The following LYPD6 variants were observed in gnomAD, a reference collection of about 807,000 sequenced individuals.
The protein encoded by LYPD6 is LY6/PLAUR domain containing 6, also known as ly6/PLAUR domain-containing protein 6.
A neutral mutation model predicts 22.7 loss-of-function variants in LYPD6; 15 were observed. The observed-to-expected ratio is 0.66, with a 90% CI of 0.44 to 1.02. The LOEUF (loss-of-function observed/expected upper bound fraction) is 1.02, where lower values mean the gene tolerates loss of function less well. Ranked by LOEUF, LYPD6 falls within the 50% of genes least tolerant of loss-of-function variation. LYPD6 has a pLI of 0.00. For synonymous variants in LYPD6, 72 were observed against 77.5 expected, an observed-to-expected ratio of 0.93 and a Z score of 0.37; for missense variants, 189 against 208.4, an observed-to-expected ratio of 0.91 and a Z score of 0.57.
chr2:149,413,269 T>C lies in LYPD6; in HGVS notation c.-71-24369T>C, dbSNP rs74442167. Reference sequence around the variant, plus strand: ...GTTCCTTGCCCAGGAGAGACTAAGATGGGGGAAAGAGGAGGTTGAGTTTGT... The same window carrying C: ...GTTCCTTGCCCAGGAGAGACTAAGACGGGGGAAAGAGGAGGTTGAGTTTGT... On this transcript the variant is annotated intron_variant, in intron 1 of 4. Coordinates refer to ENST00000334166, the MANE Select transcript of LYPD6 (RefSeq NM_194317.5). Among the ~76,000 whole-genome samples, 357 of 152,210 alleles carry C rather than the reference T, an allele frequency of 2.3e-3. 3 individuals carry two copies. In the East Asian group the frequency reaches 0.058, roughly 25 times the overall value.
At chr2:149,468,529 C>A in intron 3 of LYPD6, 116 bp from the exon 4 acceptor site, 1 of 1,199,972 alleles carries the variant, frequency 8.3e-7, no homozygotes, top group Non-Finnish European at 1.2e-6. Context: ...AAGCAGTGCA[C>A]ATCTTATGTG....
intron 1 of LYPD6, among the ~76,000 whole-genome samples, chr2:149,352,216 T>G (rs1681371608): frequency 6.6e-6 from 1 of 152,102 alleles, no homozygotes; most frequent in African/African-American, 2.4e-5. Context: ...AGACAGTAAC[T>G]GCCATATCCG....
At chr2:149,415,479 A>G (rs1246990961) in intron 1 of LYPD6, among the ~76,000 whole-genome samples, 2 of 152,134 alleles carry the variant, frequency 1.3e-5, no homozygotes, top group Non-Finnish European at 2.9e-5. Flanking sequence ...ATTAGAAAGG[A>G]CTGAAGCAGA....
chr2:149,431,375 C>T (rs1403201749), intron 1 of LYPD6, among the ~76,000 whole-genome samples: 2 of 152,196 alleles, frequency 1.3e-5, no homozygotes, highest in African/African-American at 4.8e-5. Flanking sequence ...ACATGTCCAG[C>T]GTCACATTTG....
At chr2:149,463,301 AT>A (rs1558816955) in intron 3 of LYPD6, among the ~76,000 whole-genome samples, 1 of 152,198 alleles carries the variant, frequency 6.6e-6, no homozygotes, top group Admixed American at 6.5e-5. Flanking sequence ...ATCATTAGCC[AT>A]AAGGGAAATG....
rs1231243524 is a variant in LYPD6 at position 149,472,428 on chromosome 2, G to T, written c.*1578G>T. 1 of 152,586 alleles carries T rather than the reference G, an allele frequency of 6.6e-6. No homozygotes were observed. The highest frequency in any genetic ancestry group is 1.5e-5 in the Non-Finnish European group (1 of 68,032). 9.5% of individuals were successfully genotyped at this position (152,586 alleles called of 1,614,324 possible). Reference sequence around the variant, plus strand: ...TTTTGTGAAACTTGGTAGAACCATGGCTAATAAAGAGGACAGTGTTGTCAG... The same window carrying T: ...TTTTGTGAAACTTGGTAGAACCATGTCTAATAAAGAGGACAGTGTTGTCAG... On this transcript the variant is annotated 3_prime_UTR_variant, in exon 5 of 5. Coordinates refer to ENST00000334166, the MANE Select transcript of LYPD6 (RefSeq NM_194317.5).
intron 1 of LYPD6, among the ~76,000 whole-genome samples, chr2:149,404,875 A>C (rs1351353505): frequency 6.6e-6 from 1 of 152,172 alleles, no homozygotes; most frequent in Non-Finnish European, 1.5e-5. Context: ...TGGGTTTGTC[A>C]TAGATAGGTC....
At chr2:149,340,366 A>G (rs1202674957) in intron 1 of LYPD6, among the ~76,000 whole-genome samples, 1 of 152,190 alleles carries the variant, frequency 6.6e-6, no homozygotes, top group Non-Finnish European at 1.5e-5. Flanking sequence ...ACTTGCACTT[A>G]TAATAACAGC....
chr2:149,399,564 C>T (rs1312947891), intron 1 of LYPD6, among the ~76,000 whole-genome samples: 1 of 151,426 alleles, frequency 6.6e-6, no homozygotes, highest in Non-Finnish European at 1.5e-5. Context: ...TCAAAAAGGT[C>T]AAGAAACCTA....
chr2:149,360,479 A>G (rs1198682772), intron 1 of LYPD6, among the ~76,000 whole-genome samples: 1 of 152,220 alleles, frequency 6.6e-6, no homozygotes, highest in Non-Finnish European at 1.5e-5. Flanking sequence ...TCATTTCAGC[A>G]TCAATTTTGT....
chr2:149,459,708 C>A (rs531150386), intron 3 of LYPD6, among the ~76,000 whole-genome samples: 5 of 152,200 alleles, frequency 3.3e-5, no homozygotes, highest in Admixed American at 2.0e-4. Flanking sequence ...TCAAGACCAG[C>A]CTGATCAGGT....
chr2:149,475,053 C>T (rs1255113632), downstream of LYPD6, among the ~76,000 whole-genome samples: 1 of 152,186 alleles, frequency 6.6e-6, no homozygotes, highest in Non-Finnish European at 1.5e-5. Flanking sequence ...AAATTCTTCA[C>T]TTTATAAATG....
chr2:149,401,337 C>G (rs1188477085), intron 1 of LYPD6, among the ~76,000 whole-genome samples: 1 of 152,150 alleles, frequency 6.6e-6, no homozygotes, highest in African/African-American at 2.4e-5. Context: ...CAAAATTTTT[C>G]TATTCATAAT....
chr2:149,359,570 C>CTGACTTGACATCACTTGAG (rs1334953991), intron 1 of LYPD6, among the ~76,000 whole-genome samples: 1 of 152,184 alleles, frequency 6.6e-6, no homozygotes, highest in Non-Finnish European at 1.5e-5. Context: ...AACCAAGGCC[C>CTGACTTGACATCACTTGAG]TGACTTGACA....
chr2:149,396,365 T>G (rs924764466), intron 1 of LYPD6, among the ~76,000 whole-genome samples: 1 of 152,104 alleles, frequency 6.6e-6, no homozygotes, highest in Non-Finnish European at 1.5e-5. Flanking sequence ...AGAATGCTCT[T>G]CTCTCTTCCC....
intron 1 of LYPD6, among the ~76,000 whole-genome samples, chr2:149,382,725 TA>T (rs1175825583): frequency 6.8e-6 from 1 of 146,620 alleles, no homozygotes; most frequent in Non-Finnish European, 1.5e-5. Context: ...ACAAAAACTA[TA>T]AGAATTGAGA....
intron 1 of LYPD6, among the ~76,000 whole-genome samples, chr2:149,339,854 G>T (rs927747705): frequency 1.3e-5 from 2 of 152,122 alleles, no homozygotes; most frequent in African/African-American, 4.8e-5. Flanking sequence ...CCACATAATG[G>T]ATTGTTAGGC....
intron 3 of LYPD6, among the ~76,000 whole-genome samples, chr2:149,449,956 C>T (rs1008505570): frequency 1.1e-4 from 16 of 152,180 alleles, no homozygotes; most frequent in East Asian, 5.8e-4. Flanking sequence ...CAGTATAACA[C>T]GAGTATTATA....
Position 149,461,382 on chromosome 2 carries a change from T to G in LYPD6, c.218-7263T>G, listed in dbSNP as rs555139741. Among the ~76,000 whole-genome samples, 4 of 151,958 alleles carry G rather than the reference T, an allele frequency of 2.6e-5. No homozygotes were observed. In the South Asian group the frequency reaches 8.3e-4, roughly 32 times the overall value. On this transcript the variant is annotated intron_variant, in intron 3 of 4. Transcript: ENST00000334166. ...AAATAGTCCTATAACTCCTAAGAAT[T>G]TTTTTTATAACTTAAAAACACTCAT... is the stretch of plus-strand genomic sequence containing the variant.
Sources: gnomAD v4.1 joint callset for allele counts (sites outside exome capture counted in the v4.1 genomes callset) on GRCh38, gnomAD v4.1.1 for gene constraint, MANE v1.5 for transcripts, NCBI Gene and HGNC (gene_info 2026-07-23, HGNC 2026-07-21) for gene names.